Variants in CHUK observed in about 807,000 individuals in gnomAD.
CHUK encodes component of inhibitor of nuclear factor kappa B kinase complex, also known as inhibitor of nuclear factor kappa-B kinase subunit alpha.
A neutral mutation model predicts 104.8 loss-of-function variants in CHUK; 35 were observed. That is an observed-to-expected ratio of 0.33 (90% CI 0.26 to 0.44). The LOEUF (loss-of-function observed/expected upper bound fraction) is 0.44. Among genes scored for constraint, CHUK ranks in the 20% least tolerant of loss-of-function variants. The pLI is 1.00. For synonymous variants in CHUK, 276 were observed against 291.9 expected (o/e 0.95, Z 0.56); for missense variants, 663 against 902.7 (o/e 0.73, Z 3.40).
intron 9 of CHUK, among the ~76,000 whole-genome samples, chr10:100,215,882 TA>T (rs930385419): frequency 6.6e-6 from 1 of 152,330 alleles, no homozygotes; most frequent in East Asian, 1.9e-4. Context: ...ACCCTTTCCC[TA>T]AAAACTCTCA....
At chr10:100,205,009 G>A (rs1845557755) in intron 12 of CHUK, 67 bp downstream of exon 12, 12 of 1,574,368 alleles carry the variant, frequency 7.6e-6, no homozygotes, top group East Asian at 2.2e-5. Context: ...AGTGAAAACC[G>A]GCAAGATTAA....
chr10:100,200,200 A>G (rs1206397728), intron 15 of CHUK, among the ~76,000 whole-genome samples, 180 bp from the exon 16 acceptor site: 1 of 152,240 alleles, frequency 6.6e-6, no homozygotes, highest in East Asian at 1.9e-4. Context: ...CTTAAAATGC[A>G]AAGTTTAATA....
intron 11 of CHUK, 131 bp from the exon 12 acceptor site, chr10:100,205,330 T>A (rs1339496551): frequency 5.3e-6 from 5 of 946,216 alleles, no homozygotes. Context: ...AAACTGATGC[T>A]AAAAGAACCA....
At chr10:100,192,539 A>G in intron 19 of CHUK, 2 of 885,324 alleles carry the variant, frequency 2.3e-6, no homozygotes, top group Non-Finnish European at 2.7e-6. Flanking sequence ...TGACCTCCTG[A>G]GCAGTGATGT....
Position 100,215,659 on chromosome 10 carries a change from T to G in CHUK, c.933+2336A>C, listed in dbSNP as rs181806322. Among the ~76,000 whole-genome samples, 361 of 152,372 alleles carry G rather than the reference T, an allele frequency of 2.4e-3. 1 individual carries two copies. The highest frequency in any genetic ancestry group is 7.6e-3 in the African/African-American group (318 of 41,590). ...TTGGAAAATATGCATACAATCAGACTTGCTAAGCTATTTTTTCAAAAGGGA... is the reference window on the plus strand; with the variant it reads ...TTGGAAAATATGCATACAATCAGACGTGCTAAGCTATTTTTTCAAAAGGGA... On this transcript the variant is annotated intron_variant, in intron 9 of 20. Coordinates refer to ENST00000370397, the MANE Select transcript of CHUK (RefSeq NM_001278.5).
rs117114903 is a variant in CHUK at position 100,217,403 on chromosome 10, C to G, written c.933+592G>C. 3.7e-4 allele frequency among the ~76,000 whole-genome samples: 56 copies of G among 152,056 alleles called. 1 individual carries two copies. In the East Asian group the frequency reaches 0.011, roughly 29 times the overall value. ...AAAGGCAGATAGGAACCTTCCTTAC[C>G]AAATCAAATCCAGTATGACTAGACA... On this transcript the variant is annotated intron_variant, in intron 9 of 20. Transcript: ENST00000370397.
rs554980103 is a variant in CHUK, at chr10:100,188,388, C to T, written c.*1210G>A. 6.6e-6 allele frequency: 1 copy of T among 152,544 alleles called. No homozygotes were observed. The highest frequency in any genetic ancestry group is 1.5e-5 in the Non-Finnish European group (1 of 68,002). The allele number at this position is 152,544 out of a possible 1,614,324, so 9.4% of individuals were successfully genotyped here. On this transcript the variant is annotated 3_prime_UTR_variant, in exon 21 of 21. Transcript: ENST00000370397. ...AAAGTAATTTAAAAACCATTTAATACACAAAGTGAAAAACTATTAGAATAT... is the reference window on the plus strand; with the variant it reads ...AAAGTAATTTAAAAACCATTTAATATACAAAGTGAAAAACTATTAGAATAT...
chr10:100,193,640 A>G, intron 18 of CHUK: 1 of 628,832 alleles, frequency 1.6e-6, no homozygotes, highest in Non-Finnish European at 2.8e-6. Context: ...AAATATATCC[A>G]CTCATCTTAT....
chr10:100,227,945 TC>T (rs2134256558), intron 1 of CHUK, among the ~76,000 whole-genome samples: 1 of 152,344 alleles, frequency 6.6e-6, no homozygotes, highest in East Asian at 1.9e-4. Context: ...CATATGTTGT[TC>T]CACTCAAATT....
rs567400296 is a variant in CHUK at position 100,205,286 on chromosome 10, C to T, written c.1232-87G>A. 1.4e-5 allele frequency: 19 copies of T among 1,368,358 alleles called. No individual in the cohort carries two copies. The South Asian group carries it at 2.0e-4, about 14-fold the overall frequency. The allele number at this position is 1,368,358 out of a possible 1,614,324, so 84.8% of individuals were successfully genotyped here. ...TTGATTTATCATTCTTTGTGATTTCCTGTCCACACAAACAGGATTCCCATA... is the reference window on the plus strand; with the variant it reads ...TTGATTTATCATTCTTTGTGATTTCTTGTCCACACAAACAGGATTCCCATA... On this transcript the variant is annotated intron_variant, in intron 11 of 20. Transcript: ENST00000370397.
chr10:100,208,782 T>TAAAAAAAAAAAA (rs56149905), intron 10 of CHUK, among the ~76,000 whole-genome samples: 2 of 125,504 alleles, frequency 1.6e-5, no homozygotes, highest in South Asian at 2.5e-4. Flanking sequence ...CAAGACTGTC[T>TAAAAAAAAAAAA]AAAAAAAAAA....
At position 100,209,723 on chromosome 10, in the gene CHUK, G is replaced by T. The variant is rs989810378; in HGVS notation, c.1000C>A (p.Leu334Ile). ...TCAATACGAGACTGTAGTGAATGAA[G>T]ACTTTCATCAGGTGGTAACAGAAAA... ...ISFLLPPDES[L>I]HSLQSRIERE... The change falls in exon 10 of 21, where the codon CTT (leucine) becomes ATT (isoleucine). Residue 334 changes from leucine to isoleucine, a missense_variant. Physicochemically the swap from Leu to Ile is conservative, Grantham distance 5. This residue lies in a region of CHUK where 93 missense variants were observed against 95.9 expected (regional missense o/e 0.97). Transcript: ENST00000370397. 24 of 1,564,182 alleles carry T rather than the reference G, an allele frequency of 1.5e-5. No individual in the cohort carries two copies. Among genetic ancestry groups the T allele is most frequent in the Non-Finnish European group, 2.1e-5 (24 of 1,134,868 alleles).
chr10:100,228,338 G>A (rs778459678), intron 1 of CHUK, among the ~76,000 whole-genome samples: 2 of 152,162 alleles, frequency 1.3e-5, no homozygotes, highest in Non-Finnish European at 2.9e-5. Context: ...AGGGTTCACA[G>A]CTTTTATCGG....
At position 100,220,718 on chromosome 10, in the gene CHUK, T is replaced by C. The variant is rs1250572891; in HGVS notation, c.386-42A>G. 7.5e-6 allele frequency: 10 copies of C among 1,338,630 alleles called. No homozygotes were observed. The African/African-American group carries it at 1.4e-4, about 19-fold the overall frequency. The allele number at this position is 1,338,630 out of a possible 1,614,324, so 82.9% of individuals were successfully genotyped here. A position where few individuals can be genotyped will look rare whatever the true frequency, so the allele number is the denominator to read the frequency against. ...ATATACTTTAAAGTAACAGAAATCA[T>C]TGAGTTAAAAGAAAAATTCACCTCA... On this transcript the variant is annotated intron_variant, in intron 4 of 20. Coordinates refer to ENST00000370397, the MANE Select transcript of CHUK (RefSeq NM_001278.5).
chr10:100,209,623 G>A lies in CHUK; in HGVS notation c.1100C>T (p.Pro367Leu). Residue 367 changes from proline (P) to leucine (L), a missense_variant, in exon 10 of 21, where the codon CCA (proline) becomes CTA (leucine). By Grantham distance (98) the Pro-to-Leu change is moderately conservative. This residue lies in a region of CHUK where 93 missense variants were observed against 95.9 expected (regional missense o/e 0.97). Coordinates refer to ENST00000370397, the MANE Select transcript of CHUK (RefSeq NM_001278.5). ...ETGISLDPRK[P>L]ASQCVLDGVR... Reference sequence around the variant, plus strand: ...TCCATCTAGAACACATTGAGAGGCTGGTTTCCGAGGATCCAGAGAAATTCC... The same window carrying A: ...TCCATCTAGAACACATTGAGAGGCTAGTTTCCGAGGATCCAGAGAAATTCC... 1 of 1,609,338 alleles carries A rather than the reference G, an allele frequency of 6.2e-7. No homozygotes were observed. Among genetic ancestry groups the A allele is most frequent in the Non-Finnish European group, 8.5e-7 (1 of 1,175,732 alleles).
chr10:100,219,528 C>T (rs1220209174), intron 5 of CHUK, among the ~76,000 whole-genome samples, 169 bp from the exon 6 acceptor site: 1 of 152,172 alleles, frequency 6.6e-6, no homozygotes, highest in Non-Finnish European at 1.5e-5. Context: ...GGCATGTGAT[C>T]TACCAAGTTA....
At chr10:100,187,777 A>G (rs1845090863), downstream of CHUK, 3 of 152,528 alleles carry the variant, frequency 2.0e-5, no homozygotes, top group South Asian at 6.2e-4. Flanking sequence ...CCCCCACGCT[A>G]TAACAAATCT....
intron 20 of CHUK, 135 bp from the exon 21 acceptor site, chr10:100,189,762 C>T: frequency 1.6e-6 from 1 of 607,926 alleles, no homozygotes; most frequent in Non-Finnish European, 2.9e-6. Context: ...TACCTTATTT[C>T]CTGATTTAAA....
intron 19 of CHUK, among the ~76,000 whole-genome samples, chr10:100,191,392 A>G (rs1461622766): frequency 6.6e-6 from 1 of 152,246 alleles, no homozygotes; most frequent in African/African-American, 2.4e-5. Context: ...ACACAAATGT[A>G]GGGGAGAAGA....
Sources: gnomAD v4.1 joint callset for allele counts (sites outside exome capture counted in the v4.1 genomes callset) on GRCh38, gnomAD v4.1.1 for gene constraint, gnomAD v4.1.1 regional missense constraint, MANE v1.5 for transcripts, NCBI Gene and HGNC (gene_info 2026-07-23, HGNC 2026-07-21) for gene names.